The following CERKL variants were observed in gnomAD, a reference collection of about 807,000 sequenced individuals.
CERKL encodes ceramide kinase-like protein.
In CERKL, 61 loss-of-function variants were observed where a neutral mutation model predicts 63.4. That is an observed-to-expected ratio of 0.96 (90% CI 0.78 to 1.19). The LOEUF (loss-of-function observed/expected upper bound fraction) is 1.19, where lower values mean the gene tolerates loss of function less well. Ranked by LOEUF, CERKL falls within the 50% of genes most tolerant of loss-of-function variation. CERKL has a pLI of 0.00. For missense variants in CERKL, 675 were observed against 655.5 expected, an observed-to-expected ratio of 1.03 and a Z score of -0.33; for synonymous variants, 250 against 230.5, an observed-to-expected ratio of 1.08 and a Z score of -0.77.
intron 1 of CERKL, among the ~76,000 whole-genome samples, chr2:181,615,737 A>C (rs1686163434): frequency 6.6e-6 from 1 of 152,248 alleles, no homozygotes; most frequent in Admixed American, 6.5e-5. Flanking sequence ...AAATTTAAAC[A>C]CACTTTAATT....
intron 1 of CERKL, among the ~76,000 whole-genome samples, chr2:181,639,350 T>C (rs2368223): frequency 0.71 from 107,617 of 151,994 alleles, 38,815 homozygotes; most frequent in East Asian, 0.92. Context: ...CACATAGAGC[T>C]TCACCCCTCT....
At chr2:181,644,763 G>T (rs1348241164) in intron 1 of CERKL, among the ~76,000 whole-genome samples, 4 of 152,042 alleles carry the variant, frequency 2.6e-5, no homozygotes, top group African/African-American at 9.7e-5. Context: ...TATGCCTAAA[G>T]AGAAAACAAC....
At chr2:181,546,756 A>T (rs914228474) in intron 10 of CERKL, among the ~76,000 whole-genome samples, 1 of 149,578 alleles carries the variant, frequency 6.7e-6, no homozygotes, top group African/African-American at 2.4e-5. Context: ...ATGGATAAAA[A>T]GATATATATA....
chr2:181,612,305 A>G (rs1254754978), intron 1 of CERKL, among the ~76,000 whole-genome samples: 1 of 152,208 alleles, frequency 6.6e-6, no homozygotes, highest in African/African-American at 2.4e-5. Flanking sequence ...AAAATTACAG[A>G]TTTGTAAGGG....
intron 2 of CERKL, among the ~76,000 whole-genome samples, chr2:181,591,540 C>A (rs1321806185): frequency 6.6e-6 from 1 of 152,048 alleles, no homozygotes; most frequent in Non-Finnish European, 1.5e-5. Flanking sequence ...AAAGAGCTGC[C>A]AATAAATCTT....
chr2:181,543,524 T>G (rs4667320), intron 11 of CERKL, among the ~76,000 whole-genome samples: 1 of 152,184 alleles, frequency 6.6e-6, no homozygotes, highest in Admixed American at 6.5e-5. Context: ...TCAAACTTCA[T>G]GAAGATGGCC....
At chr2:181,603,366 C>G (rs1685535993) in intron 2 of CERKL, among the ~76,000 whole-genome samples, 1 of 152,180 alleles carries the variant, frequency 6.6e-6, no homozygotes. Context: ...ATTGAAGCTT[C>G]TTCATGAAAA....
chr2:181,561,710 G>A (rs1424315818), intron 4 of CERKL, among the ~76,000 whole-genome samples: 1 of 152,082 alleles, frequency 6.6e-6, no homozygotes, highest in Non-Finnish European at 1.5e-5. Context: ...AAGAGATATT[G>A]ACCATCTATT....
At chr2:181,651,609 C>T (rs1687942624) in intron 1 of CERKL, among the ~76,000 whole-genome samples, 1 of 152,038 alleles carries the variant, frequency 6.6e-6, no homozygotes, top group Admixed American at 6.5e-5. Context: ...AGATCAATAA[C>T]AAGGAAAGGA....
At chr2:181,553,574 A>G (rs1238530213) in intron 5 of CERKL, among the ~76,000 whole-genome samples, 2 of 152,234 alleles carry the variant, frequency 1.3e-5, no homozygotes, top group Non-Finnish European at 2.9e-5. Context: ...TATGGTGGGT[A>G]TGCCCAAGTA....
intron 1 of CERKL, among the ~76,000 whole-genome samples, chr2:181,629,745 T>G (rs1260094902): frequency 2.6e-5 from 4 of 152,130 alleles, no homozygotes; most frequent in Admixed American, 2.6e-4. Context: ...TGAGGGCTAC[T>G]ATTTCTCCTG....
rs747702553 is a variant in CERKL at position 181,558,545 on chromosome 2, A to C, written c.820+21T>G. 36 of 1,612,266 alleles carry C rather than the reference A, an allele frequency of 2.2e-5. No individual in the cohort carries two copies. The Admixed American group carries it at 6.0e-4, about 27-fold the overall frequency. On this transcript the variant is annotated intron_variant, in intron 5 of 12. Transcript: ENST00000410087. This position sits in a 1 kb window ranked among gnomAD's most constrained non-coding sequence, Gnocchi z 4.2. ...AAGAGGGAGAAGGGTCAGTTTAATGAATCTGTAGCCACTCCCTTGCCTGCT... is the reference window on the plus strand; with the variant it reads ...AAGAGGGAGAAGGGTCAGTTTAATGCATCTGTAGCCACTCCCTTGCCTGCT...
At position 181,548,892 on chromosome 2, in the gene CERKL, C is replaced by A. The variant is rs774652583; in HGVS notation, c.896-35G>T. The A allele has an allele frequency of 2.5e-6, 4 of 1,579,022 alleles. No homozygotes were observed. The South Asian group carries it at 3.3e-5, about 13-fold the overall frequency. On this transcript the variant is annotated intron_variant, in intron 6 of 12. Coordinates refer to ENST00000410087, the MANE Select transcript of CERKL (RefSeq NM_201548.5). ...TACATTAAATATTAATCAGTGAGTA[C>A]AGTAGGACTTGTATCAAAACAGCAA...
At chr2:181,650,259 C>A (rs971674233) in intron 1 of CERKL, among the ~76,000 whole-genome samples, 6 of 152,120 alleles carry the variant, frequency 3.9e-5, no homozygotes, top group African/African-American at 1.4e-4. Flanking sequence ...TCCTAAACAA[C>A]CAATGGGTCA....
chr2:181,635,618 AATTGTATTGATCTT>A (rs1687146547), intron 1 of CERKL, among the ~76,000 whole-genome samples: 1 of 152,168 alleles, frequency 6.6e-6, no homozygotes, highest in African/African-American at 2.4e-5. Flanking sequence ...ACAGCTGCTC[AATTGTATTGATCTT>A]ATTTTTCCTG....
At chr2:181,620,926 T>TA (rs1195346525) in intron 1 of CERKL, among the ~76,000 whole-genome samples, 1 of 152,186 alleles carries the variant, frequency 6.6e-6, no homozygotes, top group African/African-American at 2.4e-5. Context: ...GGCCCAGACT[T>TA]ACTGAAGACA....
intron 1 of CERKL, among the ~76,000 whole-genome samples, chr2:181,636,419 C>T (rs1047017296): frequency 4.6e-5 from 7 of 151,994 alleles, no homozygotes; most frequent in Non-Finnish European, 1.0e-4. Context: ...TCACACTGGG[C>T]TCCTCAGTGT....
At chr2:181,628,208 AT>A (rs1286960496) in intron 1 of CERKL, among the ~76,000 whole-genome samples, 8 of 152,162 alleles carry the variant, frequency 5.3e-5, no homozygotes, top group African/African-American at 1.9e-4. Context: ...AACTTCAGAA[AT>A]TTTTGTAAGG....
chr2:181,544,231 T>C (rs1474009579), intron 11 of CERKL, among the ~76,000 whole-genome samples: 2 of 152,170 alleles, frequency 1.3e-5, no homozygotes, highest in Non-Finnish European at 2.9e-5. Flanking sequence ...AATATTTGTA[T>C]AAAACTGTCA....
Sources: allele counts gnomAD v4.1 joint callset (sites outside exome capture counted in the v4.1 genomes callset), GRCh38; gene constraint gnomAD v4.1.1; non-coding constraint Gnocchi (gnomAD v3.1); transcripts MANE v1.5; gene names NCBI Gene and HGNC (gene_info 2026-07-23, HGNC 2026-07-21).